Variants in COL23A1 observed in about 807,000 individuals in gnomAD.
The protein encoded by COL23A1 is collagen type XXIII alpha 1 chain, also known as collagen alpha-1(XXIII) chain.
Under a neutral mutation model 99.3 loss-of-function variants are expected in COL23A1, and 97 were observed. The ratio of observed to expected loss-of-function variants is 0.98; its 90% CI spans 0.83 to 1.16. The LOEUF (loss-of-function observed/expected upper bound fraction) is 1.16, where lower values mean the gene tolerates loss of function less well. Ranked by LOEUF, COL23A1 falls within the 50% of genes most tolerant of loss-of-function variation. COL23A1 has a pLI of 0.00. For synonymous variants in COL23A1, 320 were observed against 308.2 expected, an observed-to-expected ratio of 1.04 and a Z score of -0.40; for missense variants, 762 against 757.4, an observed-to-expected ratio of 1.01 and a Z score of -0.07.
At chr5:178,506,902 C>T (rs910549103) in intron 2 of COL23A1, among the ~76,000 whole-genome samples, 1 of 152,182 alleles carries the variant, frequency 6.6e-6, no homozygotes, top group African/African-American at 2.4e-5. Context: ...TCACTTGAAA[C>T]AATTCTCTGT....
chr5:178,484,662 A>G lies in COL23A1; in HGVS notation c.361+76020T>C, dbSNP rs143153586. ...CACGGTGAAACCCCGTCTCTAGTAA[A>G]AATACAAAAATCAGCCAGGCGTGGT... On this transcript the variant is annotated intron_variant, in intron 2 of 28. Coordinates refer to ENST00000390654, the MANE Select transcript of COL23A1 (RefSeq NM_173465.4). Among the ~76,000 whole-genome samples, 1,517 of 152,158 alleles carry G rather than the reference A, an allele frequency of 1.0e-2. 27 individuals are homozygous for G. Among genetic ancestry groups the G allele is most frequent in the African/African-American group, 0.034 (1,425 of 41,506 alleles).
intron 17 of COL23A1, among the ~76,000 whole-genome samples, chr5:178,251,845 G>A (rs953881705): frequency 6.6e-6 from 1 of 151,528 alleles, no homozygotes; most frequent in Non-Finnish European, 1.5e-5. Context: ...CCACTTTTAA[G>A]TGAGAACATG....
chr5:178,320,855 G>A lies in COL23A1; in HGVS notation c.362-13936C>T, dbSNP rs117114743. The stretch of plus-strand genomic sequence containing the variant: ...CTAAAGCCACAGCTCTCCGCTGTGG[G>A]GGCCTTCTGTGGGCCTGGAGGTCGC... On this transcript the variant is annotated intron_variant, in intron 2 of 28. Coordinates refer to ENST00000390654, the MANE Select transcript of COL23A1 (RefSeq NM_173465.4). Among the ~76,000 whole-genome samples, 151 of 152,274 alleles carry A rather than the reference G, an allele frequency of 9.9e-4. 1 individual carries two copies. In the East Asian group the frequency reaches 0.024, roughly 24 times the overall value.
intron 1 of COL23A1, chr5:178,561,965 T>C: frequency 2.5e-6 from 1 of 398,142 alleles, no homozygotes; most frequent in Non-Finnish European, 5.0e-6. Context: ...TCAGCCTCAT[T>C]TTACAGACGG....
intron 2 of COL23A1, among the ~76,000 whole-genome samples, chr5:178,470,786 C>A (rs1175111022): frequency 4.0e-5 from 2 of 50,138 alleles, no homozygotes; most frequent in Non-Finnish European, 1.5e-4. Context: ...CCAGATACCT[C>A]CTGTCTCAAG....
intron 2 of COL23A1, among the ~76,000 whole-genome samples, chr5:178,451,224 T>C (rs1401903662): frequency 6.6e-6 from 1 of 152,222 alleles, no homozygotes; most frequent in Non-Finnish European, 1.5e-5. Flanking sequence ...TAAGATCATT[T>C]AACTTCTAAT....
chr5:178,318,846 G>A (rs1272838575), intron 2 of COL23A1, among the ~76,000 whole-genome samples: 2 of 150,886 alleles, frequency 1.3e-5, no homozygotes, highest in East Asian at 1.9e-4. Context: ...AGGTTGCAGC[G>A]AGCCGAGATT....
At chr5:178,358,089 T>C (rs1761844707) in intron 2 of COL23A1, among the ~76,000 whole-genome samples, 1 of 151,422 alleles carries the variant, frequency 6.6e-6, no homozygotes, top group East Asian at 1.9e-4. Flanking sequence ...TATGTACGTG[T>C]GTAGGTCTAA....
intron 2 of COL23A1, among the ~76,000 whole-genome samples, chr5:178,467,980 A>G (rs1756514177): frequency 6.6e-6 from 1 of 152,102 alleles, no homozygotes; most frequent in Non-Finnish European, 1.5e-5. Flanking sequence ...TCCTGACACC[A>G]CTGAGAAGGA....
intron 2 of COL23A1, among the ~76,000 whole-genome samples, chr5:178,556,483 C>T (rs761622112): frequency 8.0e-5 from 12 of 150,780 alleles, no homozygotes; most frequent in Non-Finnish European, 1.3e-4. Context: ...ATTAGCTGGG[C>T]GTGGTGGCAG....
At chr5:178,367,012 C>G (rs866404622) in intron 2 of COL23A1, among the ~76,000 whole-genome samples, 1 of 152,194 alleles carries the variant, frequency 6.6e-6, no homozygotes, top group Non-Finnish European at 1.5e-5. Context: ...TTTGTTGAAA[C>G]TGAATTTTAC....
chr5:178,407,400 G>A (rs936844856), intron 2 of COL23A1, among the ~76,000 whole-genome samples: 2 of 152,180 alleles, frequency 1.3e-5, no homozygotes, highest in Non-Finnish European at 2.9e-5. Flanking sequence ...GAGTCTCATA[G>A]CACAATACAC....
At chr5:178,245,259 TATCATCC>T (rs1427409447) in intron 25 of COL23A1, among the ~76,000 whole-genome samples, 2 of 113,792 alleles carry the variant, frequency 1.8e-5, no homozygotes, top group African/African-American at 3.4e-5. Flanking sequence ...ACTCATCATC[TATCATCC>T]ATCATCCATC....
chr5:178,343,314 G>C (rs1169515888), intron 2 of COL23A1, among the ~76,000 whole-genome samples: 1 of 152,182 alleles, frequency 6.6e-6, no homozygotes, highest in Non-Finnish European at 1.5e-5. Context: ...AGGTGGAGGG[G>C]AGATCCTGGG....
chr5:178,502,562 T>C (rs1376069353), intron 2 of COL23A1, among the ~76,000 whole-genome samples: 1 of 152,174 alleles, frequency 6.6e-6, no homozygotes, highest in African/African-American at 2.4e-5. Flanking sequence ...AAAGAGACAA[T>C]AATTCATAGG....
chr5:178,326,867 C>G (rs761143588), intron 2 of COL23A1, among the ~76,000 whole-genome samples: 5 of 152,318 alleles, frequency 3.3e-5, no homozygotes, highest in East Asian at 3.9e-4. Flanking sequence ...CTACAGGCGC[C>G]TGCCACCACG....
intron 2 of COL23A1, among the ~76,000 whole-genome samples, chr5:178,380,224 T>C (rs1032410907): frequency 6.6e-6 from 1 of 152,160 alleles, no homozygotes; most frequent in Non-Finnish European, 1.5e-5. Flanking sequence ...CTGCCTAGTG[T>C]TGGAGCAGGA....
chr5:178,382,485 G>T (rs1273892236), intron 2 of COL23A1, among the ~76,000 whole-genome samples: 1 of 152,172 alleles, frequency 6.6e-6, no homozygotes, highest in East Asian at 1.9e-4. Context: ...GCTGGGGCAG[G>T]GGACAGGGAG....
At position 178,291,641 on chromosome 5, in the gene COL23A1, G is replaced by A. The variant is rs1757464493; in HGVS notation, c.407-1272C>T. Among the ~76,000 whole-genome samples the A allele has an allele frequency of 6.6e-5, 10 of 152,042 alleles. 1 individual carries two copies. The South Asian group carries it at 2.1e-3, about 32-fold the overall frequency. The stretch of plus-strand genomic sequence containing the variant: ...GTCTGGGGGGCTTGGTTCTAAGGGT[G>A]AAGGGGAGTCAGCGAAGGGCTCTGC... On this transcript the variant is annotated intron_variant, in intron 3 of 28. Transcript: ENST00000390654.
Sources: gnomAD v4.1 joint callset for allele counts (sites outside exome capture counted in the v4.1 genomes callset) on GRCh38, gnomAD v4.1.1 for gene constraint, MANE v1.5 for transcripts, NCBI Gene and HGNC (gene_info 2026-07-23, HGNC 2026-07-21) for gene names.